Variants in SLC13A3 observed in about 807,000 individuals in gnomAD.
The protein encoded by SLC13A3 is solute carrier family 13 member 3.
Under a neutral mutation model 59.0 loss-of-function variants are expected in SLC13A3, and 40 were observed. The observed-to-expected ratio is 0.68, with a 90% confidence interval of 0.53 to 0.88. The LOEUF (loss-of-function observed/expected upper bound fraction) is 0.88, where lower values mean the gene tolerates loss of function less well. Among genes scored for constraint, SLC13A3 ranks in the 40% least tolerant of loss-of-function variants. The pLI is 0.00. For missense variants in SLC13A3, 699 were observed against 783.2 expected (o/e 0.89, Z 1.28); for synonymous variants, 317 against 330.3 (o/e 0.96, Z 0.44).
At chr20:46,579,371 C>T (rs555776584) in intron 9 of SLC13A3, among the ~76,000 whole-genome samples, 2 of 152,304 alleles carry the variant, frequency 1.3e-5, no homozygotes, top group South Asian at 2.1e-4. Context: ...GCAATCCTCC[C>T]ACCTCAGCCT....
intron 3 of SLC13A3, among the ~76,000 whole-genome samples, chr20:46,603,879 C>T (rs2062408068): frequency 6.6e-6 from 1 of 151,294 alleles, no homozygotes; most frequent in Non-Finnish European, 1.5e-5. Flanking sequence ...GTAGTCCCAG[C>T]TCTTGAGAGG....
At chr20:46,614,713 C>G (rs2062538206) in intron 1 of SLC13A3, among the ~76,000 whole-genome samples, 1 of 152,158 alleles carries the variant, frequency 6.6e-6, no homozygotes, top group Admixed American at 6.5e-5. Flanking sequence ...GATTAGGAAA[C>G]TGAGGTGCAA....
chr20:46,597,530 G>A (rs933009371), intron 4 of SLC13A3, among the ~76,000 whole-genome samples: 1 of 152,148 alleles, frequency 6.6e-6, no homozygotes, highest in East Asian at 1.9e-4. Flanking sequence ...TCTGCCTCCC[G>A]GGTTCAAGCG....
chr20:46,581,133 C>G (rs1226338711), intron 9 of SLC13A3, among the ~76,000 whole-genome samples: 1 of 152,214 alleles, frequency 6.6e-6, no homozygotes, highest in Non-Finnish European at 1.5e-5. Context: ...CTGGCTTGCC[C>G]TGGAATTCCT....
At chr20:46,650,171 C>A (rs2062938649) in intron 1 of SLC13A3, among the ~76,000 whole-genome samples, 1 of 152,142 alleles carries the variant, frequency 6.6e-6, no homozygotes, top group South Asian at 2.1e-4. Flanking sequence ...CTCCTTCCAG[C>A]CCCCACTAGT....
At chr20:46,655,965 GTA>G (rs2062985539), upstream of SLC13A3, among the ~76,000 whole-genome samples, 1 of 138,976 alleles carries the variant, frequency 7.2e-6, no homozygotes, top group Non-Finnish European at 1.5e-5. Context: ...ATACATATAT[GTA>G]TATATGTATG....
At chr20:46,580,088 T>C (rs768198062) in intron 9 of SLC13A3, among the ~76,000 whole-genome samples, 8 of 152,172 alleles carry the variant, frequency 5.3e-5, no homozygotes, top group Non-Finnish European at 7.3e-5. Context: ...CCCAAGTAGC[T>C]GGGGTTACAG....
chr20:46,651,571 C>A (rs1275850362), upstream of SLC13A3: 14 of 1,298,964 alleles, frequency 1.1e-5, no homozygotes, highest in African/African-American at 6.2e-5. Context: ...GTGGTGCCTG[C>A]GCCCCTGGGA....
At chr20:46,589,372 G>T in intron 6 of SLC13A3, 117 bp from the exon 7 acceptor site, 1 of 752,734 alleles carries the variant, frequency 1.3e-6, no homozygotes, top group Non-Finnish European at 2.3e-6. Flanking sequence ...GGCTGCAACT[G>T]CCTGATAGCT....
chr20:46,589,297 A>G (rs1379600306), intron 6 of SLC13A3, 42 bp from the exon 7 acceptor site: 5 of 1,548,400 alleles, frequency 3.2e-6, no homozygotes, highest in Non-Finnish European at 4.5e-6. Flanking sequence ...CACTGCAGGT[A>G]TAACTAACTT....
At chr20:46,581,107 T>C (rs2062132224) in intron 9 of SLC13A3, among the ~76,000 whole-genome samples, 1 of 152,190 alleles carries the variant, frequency 6.6e-6, no homozygotes, top group African/African-American at 2.4e-5. Flanking sequence ...TCAATAAAAG[T>C]TGCTGTCTAA....
At chr20:46,588,010 C>CAGGGATGAA in intron 8 of SLC13A3, 49 bp downstream of exon 8, 1 of 1,150,924 alleles carries the variant, frequency 8.7e-7, no homozygotes, top group Non-Finnish European at 1.3e-6. Context: ...GTGGCCCAGC[C>CAGGGATGAA]CAGAATCCTC....
rs372414120 is a variant in SLC13A3 at position 46,606,629 on chromosome 20, G to C, written c.541+3817C>G. Among the ~76,000 whole-genome samples the C allele has an allele frequency of 3.3e-4, 51 of 152,276 alleles. 1 individual carries two copies. The East Asian group carries it at 9.7e-3, about 29-fold the overall frequency. ...CGAGGCTAGAGGATCACTTGAGCCT[G>C]GGAGTTTGAGGCTGCAGCGAGCTGA... On this transcript the variant is annotated intron_variant, in intron 3 of 12. Coordinates refer to ENST00000279027, the MANE Select transcript of SLC13A3 (RefSeq NM_022829.6).
At chr20:46,634,440 G>A (rs2062775297) in intron 1 of SLC13A3, among the ~76,000 whole-genome samples, 1 of 152,088 alleles carries the variant, frequency 6.6e-6, no homozygotes. Flanking sequence ...ACAGCAGCTA[G>A]GGGCCATCTG....
At chr20:46,602,161 C>G (rs1262846677) in intron 3 of SLC13A3, among the ~76,000 whole-genome samples, 1 of 152,026 alleles carries the variant, frequency 6.6e-6, no homozygotes, top group Non-Finnish European at 1.5e-5. Context: ...AGTGAGACCA[C>G]ATCTCTAAAA....
At chr20:46,602,052 G>A (rs1020429315) in intron 3 of SLC13A3, among the ~76,000 whole-genome samples, 1 of 152,172 alleles carries the variant, frequency 6.6e-6, no homozygotes, top group African/African-American at 2.4e-5. Flanking sequence ...TTATTTCTCT[G>A]GTCAAGTGTG....
upstream of SLC13A3, among the ~76,000 whole-genome samples, chr20:46,670,464 C>T (rs546164887): frequency 6.6e-6 from 1 of 152,296 alleles, no homozygotes; most frequent in South Asian, 2.1e-4. Flanking sequence ...CTTGCTTTGG[C>T]CAATGGGACA....
Position 46,592,392 on chromosome 20 carries a change from A to C in SLC13A3, c.920+12T>G. On this transcript the variant is annotated intron_variant, in intron 6 of 12. Coordinates refer to ENST00000279027, the MANE Select transcript of SLC13A3 (RefSeq NM_022829.6). ...TTCCCCACTCTATTGCCAAAAAGAA[A>C]ATGAGAGGTACCTGAAGCTCAGTCC... 1 of 1,613,680 alleles carries C rather than the reference A, an allele frequency of 6.2e-7. No homozygotes were observed. Among genetic ancestry groups the C allele is most frequent in the Non-Finnish European group, 8.5e-7 (1 of 1,179,760 alleles).
intron 3 of SLC13A3, among the ~76,000 whole-genome samples, chr20:46,608,326 C>T (rs1033706548): frequency 1.3e-5 from 2 of 152,228 alleles, no homozygotes; most frequent in African/African-American, 4.8e-5. Flanking sequence ...CACATTGCCA[C>T]GCCTGCTTGT....
Sources: gnomAD v4.1 joint callset for allele counts (sites outside exome capture counted in the v4.1 genomes callset) on GRCh38, gnomAD v4.1.1 for gene constraint, MANE v1.5 for transcripts, NCBI Gene and HGNC (gene_info 2026-07-23, HGNC 2026-07-21) for gene names.